Variants in FTO observed in about 807,000 individuals in gnomAD.
The protein encoded by FTO is alpha-ketoglutarate-dependent dioxygenase FTO.
A neutral mutation model predicts 63.9 loss-of-function variants in FTO; 47 were observed. The observed-to-expected ratio is 0.74, with a 90% CI of 0.58 to 0.94. FTO has a LOEUF of 0.94. Ranked by LOEUF, FTO falls within the 40% of genes least tolerant of loss-of-function variation. The pLI is 0.00. For missense variants in FTO, 562 were observed against 618.1 expected (o/e 0.91, Z 0.96); for synonymous variants, 207 against 224.4 (o/e 0.92, Z 0.69).
chr16:53,765,123 C>T (rs1416560891), intron 1 of FTO, among the ~76,000 whole-genome samples: 2 of 152,100 alleles, frequency 1.3e-5, no homozygotes, highest in African/African-American at 4.8e-5. Flanking sequence ...CAGTTGCTTC[C>T]CGCATGTTCA....
At chr16:54,077,133 G>C (rs2086017432) in intron 8 of FTO, among the ~76,000 whole-genome samples, 1 of 152,202 alleles carries the variant, frequency 6.6e-6, no homozygotes, top group Non-Finnish European at 1.5e-5. Context: ...TTGATTTGCA[G>C]ATTTAGTGGG....
chr16:54,008,136 A>G (rs1453877026), intron 8 of FTO, among the ~76,000 whole-genome samples: 1 of 152,202 alleles, frequency 6.6e-6, no homozygotes, highest in Non-Finnish European at 1.5e-5. Context: ...TAGATTCTCC[A>G]TAAATGTAGG....
intron 1 of FTO, among the ~76,000 whole-genome samples, chr16:53,714,053 T>C (rs965352876): frequency 1.5e-4 from 23 of 152,334 alleles, no homozygotes; most frequent in African/African-American, 5.5e-4. Flanking sequence ...CCTCCCCTTA[T>C]GTTAAAAAAC....
At chr16:53,897,837 CAGTT>C (rs1454073864) in intron 7 of FTO, among the ~76,000 whole-genome samples, 2 of 152,300 alleles carry the variant, frequency 1.3e-5, no homozygotes, top group Admixed American at 6.5e-5. Flanking sequence ...TAGTGTTTCA[CAGTT>C]CAGTAATTTG....
chr16:54,028,583 A>C (rs1470005083), intron 8 of FTO, among the ~76,000 whole-genome samples: 1 of 152,186 alleles, frequency 6.6e-6, no homozygotes, highest in Non-Finnish European at 1.5e-5. Context: ...AACTCTTTCC[A>C]TGTCACTAAA....
intron 7 of FTO, among the ~76,000 whole-genome samples, chr16:53,926,068 G>T (rs1284290782): frequency 6.6e-6 from 1 of 152,068 alleles, no homozygotes; most frequent in African/African-American, 2.4e-5. Flanking sequence ...GCTGTGTGTT[G>T]CCAGAATCCA....
chr16:53,717,815 G>C (rs916969458), intron 1 of FTO, among the ~76,000 whole-genome samples: 1 of 151,964 alleles, frequency 6.6e-6, no homozygotes, highest in Non-Finnish European at 1.5e-5. Flanking sequence ...TATCTTTTAC[G>C]TACTGATTTG....
At chr16:54,008,837 AT>A (rs2084271762) in intron 8 of FTO, among the ~76,000 whole-genome samples, 3 of 120,482 alleles carry the variant, frequency 2.5e-5, no homozygotes, top group African/African-American at 5.6e-5. Flanking sequence ...AATAATAATA[AT>A]AATAATAATA....
chr16:54,042,328 G>A (rs1402878323), intron 8 of FTO, among the ~76,000 whole-genome samples: 1 of 130,616 alleles, frequency 7.7e-6, no homozygotes, highest in African/African-American at 3.2e-5. Flanking sequence ...CCCTTTCCGA[G>A]TCAAAGAAAG....
At chr16:53,978,892 G>A (rs957782588) in intron 8 of FTO, among the ~76,000 whole-genome samples, 2 of 151,942 alleles carry the variant, frequency 1.3e-5, no homozygotes, top group Admixed American at 6.6e-5. Flanking sequence ...CCAGCAACTC[G>A]GGAGGCTGAG....
chr16:54,091,819 A>G (rs1321324971), intron 8 of FTO, among the ~76,000 whole-genome samples: 2 of 152,194 alleles, frequency 1.3e-5, no homozygotes, highest in Non-Finnish European at 2.9e-5. Context: ...GGCAAATTAC[A>G]TAACCACTCA....
intron 7 of FTO, among the ~76,000 whole-genome samples, chr16:53,922,797 A>G (rs1023142552): frequency 6.6e-6 from 1 of 152,208 alleles, no homozygotes; most frequent in Non-Finnish European, 1.5e-5. Flanking sequence ...ATAAGTTGAT[A>G]TTCTTTCCAA....
At chr16:53,830,713 C>T (rs2079118811) in intron 3 of FTO, among the ~76,000 whole-genome samples, 1 of 152,120 alleles carries the variant, frequency 6.6e-6, no homozygotes, top group Non-Finnish European at 1.5e-5. Flanking sequence ...GCCTGGCCAA[C>T]ATGGTGAAAC....
chr16:53,984,069 T>C (rs1264415766), intron 8 of FTO, among the ~76,000 whole-genome samples: 1 of 152,162 alleles, frequency 6.6e-6, no homozygotes, highest in African/African-American at 2.4e-5. Flanking sequence ...CCTGGTGCAT[T>C]CTAAACAATG....
chr16:53,961,271 C>T (rs2083074414), intron 8 of FTO, among the ~76,000 whole-genome samples: 2 of 152,112 alleles, frequency 1.3e-5, no homozygotes, highest in African/African-American at 4.8e-5. Context: ...TAAACTGTCG[C>T]AGGCTGCCCT....
At chr16:53,942,394 T>C (rs533330712) in intron 8 of FTO, among the ~76,000 whole-genome samples, 1 of 152,274 alleles carries the variant, frequency 6.6e-6, no homozygotes, top group East Asian at 1.9e-4. Context: ...CAAAAAGACA[T>C]GGTCTCCTCC....
chr16:53,847,839 A>T (rs78208509), intron 4 of FTO, among the ~76,000 whole-genome samples: 4,052 of 152,194 alleles, frequency 0.027, 144 homozygotes, highest in African/African-American at 0.085. Context: ...TTTTGGTGTT[A>T]TAATGAGTAT....
At chr16:53,980,578 A>C (rs2083519941) in intron 8 of FTO, among the ~76,000 whole-genome samples, 1 of 152,210 alleles carries the variant, frequency 6.6e-6, no homozygotes, top group African/African-American at 2.4e-5. Flanking sequence ...CAACTGCCTG[A>C]ACAACTTACA....
chr16:53,994,606 T>C lies in FTO; in HGVS notation c.1364+60497T>C, dbSNP rs896633321. Among the ~76,000 whole-genome samples the C allele has an allele frequency of 4.6e-5, 7 of 152,116 alleles. No homozygotes were observed. In the East Asian group the frequency reaches 5.8e-4, roughly 13 times the overall value. On this transcript the variant is annotated intron_variant, in intron 8 of 8. Coordinates refer to ENST00000471389, the MANE Select transcript of FTO (RefSeq NM_001080432.3). ...TCAAATTCCTAGCCTCAGGCAATCC[T>C]TCTGCCTCAGCCTCCCAAAGCGCTG...
Sources: allele counts gnomAD v4.1 joint callset (sites outside exome capture counted in the v4.1 genomes callset), GRCh38; gene constraint gnomAD v4.1.1; transcripts MANE v1.5; gene names NCBI Gene and HGNC (gene_info 2026-07-23, HGNC 2026-07-21).